KCNIP4: variants seen among roughly 807,000 people sequenced by gnomAD.
KCNIP4 encodes Kv channel-interacting protein 4.
KCNIP4 carries 12 observed loss-of-function variants against 34.0 expected under a neutral mutation model. That is an observed-to-expected ratio of 0.35 (90% CI 0.23 to 0.57). KCNIP4 has a LOEUF of 0.57. Ranked by LOEUF, KCNIP4 falls within the 20% of genes least tolerant of loss-of-function variation. KCNIP4 has a pLI of 0.83. For synonymous variants in KCNIP4, 124 were observed against 102.2 expected (o/e 1.21, Z -1.29); for missense variants, 238 against 311.7 (o/e 0.76, Z 1.78).
At chr4:21,885,592 A>C (rs1726719819) in intron 1 of KCNIP4, among the ~76,000 whole-genome samples, 1 of 152,126 alleles carries the variant, frequency 6.6e-6, no homozygotes, top group African/African-American at 2.4e-5. Context: ...TCAAATTTTT[A>C]TAACCAAATC....
chr4:21,279,760 G>A (rs1762664245), intron 1 of KCNIP4, among the ~76,000 whole-genome samples: 1 of 151,912 alleles, frequency 6.6e-6, no homozygotes, highest in Non-Finnish European at 1.5e-5. Context: ...GCTAAGTCAC[G>A]TACTATAATC....
intron 1 of KCNIP4, among the ~76,000 whole-genome samples, chr4:21,453,663 C>T (rs1728695385): frequency 6.6e-6 from 1 of 151,944 alleles, no homozygotes; most frequent in Non-Finnish European, 1.5e-5. Context: ...GCACTGAGAC[C>T]CCAAAGAATC....
intron 2 of KCNIP4, among the ~76,000 whole-genome samples, chr4:20,877,300 C>G (rs571227487): frequency 5.9e-5 from 9 of 152,338 alleles, no homozygotes; most frequent in Non-Finnish European, 8.8e-5. Context: ...TTCGTTCTTG[C>G]TAACACTGAA....
intron 1 of KCNIP4, among the ~76,000 whole-genome samples, chr4:21,346,446 A>G (rs1219884563): frequency 2.7e-5 from 4 of 149,604 alleles, no homozygotes; most frequent in African/African-American, 9.9e-5. Flanking sequence ...AACCTAACCA[A>G]GATTCGTAAC....
At chr4:21,707,370 G>A (rs1713362199) in intron 1 of KCNIP4, among the ~76,000 whole-genome samples, 1 of 152,114 alleles carries the variant, frequency 6.6e-6, no homozygotes, top group Non-Finnish European at 1.5e-5. Context: ...ATCCTGGAGG[G>A]CCGAAGAAGT....
At chr4:20,770,301 T>C (rs1755756811) in intron 3 of KCNIP4, among the ~76,000 whole-genome samples, 1 of 152,184 alleles carries the variant, frequency 6.6e-6, no homozygotes, top group Non-Finnish European at 1.5e-5. Context: ...AGACCAGCTG[T>C]GAGGCCAAAA....
chr4:21,279,821 T>C (rs1382345219), intron 1 of KCNIP4, among the ~76,000 whole-genome samples: 2 of 152,104 alleles, frequency 1.3e-5, no homozygotes, highest in African/African-American at 4.8e-5. Flanking sequence ...AATTAACCAC[T>C]CATTATTTCA....
At chr4:21,941,824 A>C (rs1446386936) in intron 1 of KCNIP4, among the ~76,000 whole-genome samples, 1 of 152,236 alleles carries the variant, frequency 6.6e-6, no homozygotes, top group Non-Finnish European at 1.5e-5. Flanking sequence ...ATGAAGGCCA[A>C]ATGCTCAATA....
At chr4:21,840,279 C>T (rs925575) in intron 1 of KCNIP4, among the ~76,000 whole-genome samples, 54,799 of 151,504 alleles carry the variant, frequency 0.36, 11,284 homozygotes, top group East Asian at 0.65. Flanking sequence ...CTCCATAGAA[C>T]CTATACATTC....
chr4:21,149,215 C>T (rs374814091), intron 1 of KCNIP4, among the ~76,000 whole-genome samples: 1 of 152,244 alleles, frequency 6.6e-6, no homozygotes, highest in African/African-American at 2.4e-5. Context: ...TTTAGCAAAA[C>T]CCTGATATTC....
intron 1 of KCNIP4, among the ~76,000 whole-genome samples, chr4:21,565,615 A>G (rs1739819784): frequency 6.6e-6 from 1 of 152,176 alleles, no homozygotes; most frequent in African/African-American, 2.4e-5. Context: ...ACCATCTCCT[A>G]CAACATTCAC....
intron 1 of KCNIP4, among the ~76,000 whole-genome samples, chr4:21,933,537 T>C (rs1476343428): frequency 1.3e-5 from 2 of 152,154 alleles, no homozygotes; most frequent in Admixed American, 1.3e-4. Flanking sequence ...CTCCTGTGCT[T>C]GCTTTTCTGA....
chr4:21,122,652 A>G (rs965092723), intron 1 of KCNIP4, among the ~76,000 whole-genome samples: 2 of 152,116 alleles, frequency 1.3e-5, no homozygotes, highest in African/African-American at 4.8e-5. Context: ...CCTGCATCCA[A>G]CAATAAACCT....
At chr4:21,810,101 C>T (rs1255124293) in intron 1 of KCNIP4, among the ~76,000 whole-genome samples, 1 of 152,138 alleles carries the variant, frequency 6.6e-6, no homozygotes, top group African/African-American at 2.4e-5. Context: ...CAGAGAAAGA[C>T]ACCATGAAGG....
intron 1 of KCNIP4, among the ~76,000 whole-genome samples, chr4:21,362,378 T>C (rs564743111): frequency 7.9e-5 from 12 of 152,250 alleles, no homozygotes; most frequent in African/African-American, 2.9e-4. Flanking sequence ...CCAACTGCTG[T>C]TCATAAAATT....
intron 1 of KCNIP4, among the ~76,000 whole-genome samples, chr4:21,781,691 C>T (rs1032516442): frequency 6.6e-6 from 1 of 151,970 alleles, no homozygotes; most frequent in Non-Finnish European, 1.5e-5. Context: ...AGACTTTTTC[C>T]TCCTCTTGAA....
At chr4:20,826,138 G>A (rs991588781) in intron 3 of KCNIP4, among the ~76,000 whole-genome samples, 1 of 152,028 alleles carries the variant, frequency 6.6e-6, no homozygotes, top group African/African-American at 2.4e-5. Flanking sequence ...AAAGTTTTGA[G>A]GAGAAGAGGA....
intron 1 of KCNIP4, among the ~76,000 whole-genome samples, chr4:21,915,994 TG>T (rs1201216892): frequency 1.3e-5 from 2 of 152,224 alleles, no homozygotes; most frequent in African/African-American, 4.8e-5. Flanking sequence ...TGTTACAAAC[TG>T]CTGATTCCCA....
chr4:21,715,421 C>T (rs779564466), intron 1 of KCNIP4, among the ~76,000 whole-genome samples: 27 of 152,186 alleles, frequency 1.8e-4, no homozygotes, highest in African/African-American at 3.9e-4. Flanking sequence ...TGAGCCACCG[C>T]GCCCAGCCTG....
Sources: allele counts gnomAD v4.1 joint callset (sites outside exome capture counted in the v4.1 genomes callset), GRCh38; gene constraint gnomAD v4.1.1; transcripts MANE v1.5; gene names NCBI Gene and HGNC (gene_info 2026-07-23, HGNC 2026-07-21).